SLC22A14: variants seen among roughly 807,000 people sequenced by gnomAD.
SLC22A14 encodes organic cation transporter-like 4.
A neutral mutation model predicts 53.9 loss-of-function variants in SLC22A14; 50 were observed. The observed-to-expected ratio is 0.93, with a 90% CI of 0.74 to 1.17. The LOEUF is 1.17. Ranked by LOEUF, SLC22A14 falls within the 50% of genes most tolerant of loss-of-function variation. The pLI is 0.00. For synonymous variants in SLC22A14, 312 were observed against 303.0 expected (o/e 1.03, Z -0.31); for missense variants, 671 against 734.7 (o/e 0.91, Z 1.00).
intron 1 of SLC22A14, among the ~76,000 whole-genome samples, chr3:38,302,841 G>C (rs73825518): frequency 0.064 from 9,763 of 151,924 alleles, 370 homozygotes; most frequent in East Asian, 0.16. Context: ...GAGTATATAT[G>C]TTTGCCTATT....
rs1704299102 is a variant in SLC22A14 at position 38,306,258 on chromosome 3, A to G, written c.232A>G (p.Ile78Val). Residue 78 changes from isoleucine (I) to valine (V), a missense_variant, in exon 2 of 11, where the codon ATC (isoleucine) becomes GTC (valine). Ile to Val is a conservative substitution (Grantham distance 29, BLOSUM62 3). Coordinates refer to ENST00000448498, the MANE Select transcript of SLC22A14 (RefSeq NM_001320033.2). Reference sequence around the variant, plus strand: ...AGTAGCCCTCACCTTTATCCCCAGCATCATGTCGGCCTTCTTCATGTTTGC... The same window carrying G: ...AGTAGCCCTCACCTTTATCCCCAGCGTCATGTCGGCCTTCTTCATGTTTGC... Reference protein sequence around the residue: ...RLVALTFIPSIMSAFFMFADH... With the variant: ...RLVALTFIPSVMSAFFMFADH... The G allele has an allele frequency of 1.2e-6, 2 of 1,614,170 alleles. No homozygotes were observed. Among genetic ancestry groups the G allele is most frequent in the Non-Finnish European group, 1.7e-6 (2 of 1,180,026 alleles).
intron 1 of SLC22A14, among the ~76,000 whole-genome samples, chr3:38,299,871 A>G (rs1013636820): frequency 6.6e-6 from 1 of 152,180 alleles, no homozygotes; most frequent in Non-Finnish European, 1.5e-5. Flanking sequence ...CTAGTATTGC[A>G]CTGAGTGGCT....
At chr3:38,283,299 A>G (rs1559541167) in intron 1 of SLC22A14, among the ~76,000 whole-genome samples, 1 of 152,086 alleles carries the variant, frequency 6.6e-6, no homozygotes, top group Non-Finnish European at 1.5e-5. Flanking sequence ...GTAAGGAAAC[A>G]TATTTACGAG....
rs2125886483 is a variant in SLC22A14, at chr3:38,307,338, T to C, written c.601T>C (p.Phe201Leu). 2 of 1,613,758 alleles carry C rather than the reference T, an allele frequency of 1.2e-6. No homozygotes were observed. Among genetic ancestry groups the C allele is most frequent in the Non-Finnish European group, 1.7e-6 (2 of 1,179,600 alleles). ...MAGLPIGSLI[F>L]RLITDKMGRY... ...AGGGCTCCCGATAGGCTCTCTCATC[T>C]TCAGGCTCATAACTGACAAGTGAGT... Residue 201 changes from phenylalanine to leucine, a missense_variant, in exon 3 of 11, where the codon TTC becomes CTC. Coordinates refer to ENST00000448498, the MANE Select transcript of SLC22A14 (RefSeq NM_001320033.2). This position sits in a 1 kb window ranked among gnomAD's most constrained non-coding sequence, Gnocchi z 4.4.
chr3:38,297,600 C>T (rs185489038), intron 1 of SLC22A14, among the ~76,000 whole-genome samples: 9 of 152,232 alleles, frequency 5.9e-5, no homozygotes, highest in African/African-American at 2.2e-4. Flanking sequence ...AGCTATTCTT[C>T]CTGATGCTCT....
chr3:38,289,757 G>C (rs1162763344), intron 1 of SLC22A14, among the ~76,000 whole-genome samples: 1 of 152,244 alleles, frequency 6.6e-6, no homozygotes, highest in Admixed American at 6.5e-5. Flanking sequence ...CGGAGGGGTG[G>C]AAGTCAGCGG....
At chr3:38,313,695 T>TGCGCGC in intron 7 of SLC22A14, 32 bp from the exon 8 acceptor site, 2 of 1,339,468 alleles carry the variant, frequency 1.5e-6, no homozygotes, top group Non-Finnish European at 2.1e-6. Context: ...TGCGCGCGTG[T>TGCGCGC]GCACGCGCAC....
At chr3:38,279,175 T>A (rs147623815), upstream of SLC22A14, among the ~76,000 whole-genome samples, 14 of 152,332 alleles carry the variant, frequency 9.2e-5, no homozygotes, top group African/African-American at 3.4e-4. Context: ...TCACTCACGA[T>A]TCTCAGCTTT....
intron 1 of SLC22A14, among the ~76,000 whole-genome samples, chr3:38,291,312 G>A (rs1703909298): frequency 6.6e-6 from 1 of 152,210 alleles, no homozygotes; most frequent in Admixed American, 6.5e-5. Flanking sequence ...GCGTAGGTTT[G>A]AGCAATCACC....
chr3:38,291,230 A>G (rs577182986), intron 1 of SLC22A14, among the ~76,000 whole-genome samples: 5 of 152,286 alleles, frequency 3.3e-5, no homozygotes, highest in African/African-American at 1.2e-4. Flanking sequence ...TTTTTCTACA[A>G]AGGAACTTCC....
chr3:38,301,397 A>G (rs1374040797), intron 1 of SLC22A14, among the ~76,000 whole-genome samples: 2 of 152,220 alleles, frequency 1.3e-5, no homozygotes, highest in Admixed American at 1.3e-4. Flanking sequence ...ATGTCACAGT[A>G]TTGCTGTAAT....
intron 1 of SLC22A14, among the ~76,000 whole-genome samples, chr3:38,293,324 C>T (rs1289600194): frequency 6.6e-6 from 1 of 152,184 alleles, no homozygotes. Flanking sequence ...TCCAGAGCCT[C>T]CAAAGTTCGC....
intron 10 of SLC22A14, among the ~76,000 whole-genome samples, chr3:38,317,127 T>C (rs185572866): frequency 3.0e-4 from 46 of 152,322 alleles, no homozygotes; most frequent in African/African-American, 1.1e-3. Flanking sequence ...ATGAACACGC[T>C]CTCCCTGGAC....
chr3:38,318,347 G>A lies in SLC22A14; in HGVS notation c.*98G>A, dbSNP rs1704678065. 2 of 1,204,130 alleles carry A rather than the reference G, an allele frequency of 1.7e-6. No individual in the cohort carries two copies. Among genetic ancestry groups the A allele is most frequent in the Non-Finnish European group, 2.5e-6 (2 of 809,074 alleles). The allele number at this position is 1,204,130 out of a possible 1,614,324, so 74.6% of individuals were successfully genotyped here. A position where few individuals can be genotyped will look rare whatever the true frequency, so the allele number is the denominator to read the frequency against. On this transcript the variant is annotated 3_prime_UTR_variant, in exon 11 of 11. Coordinates refer to ENST00000448498, the MANE Select transcript of SLC22A14 (RefSeq NM_001320033.2). ...CTTGAAGCAATTCAATAAAGAGGAA[G>A]CAAACAGCCAGGCTCCCTGAGGGCC...
At position 38,316,482 on chromosome 3, in the gene SLC22A14, A is replaced by T. The variant is rs1163485854; in HGVS notation, c.1691A>T (p.Asp564Val). 5 of 1,613,782 alleles carry T rather than the reference A, an allele frequency of 3.1e-6. No individual in the cohort carries two copies. The highest frequency in any genetic ancestry group is 1.1e-5 in the South Asian group (1 of 91,064). Residue 564 changes from aspartate (D) to valine (V), a missense_variant, in exon 10 of 11, where the codon GAT becomes GTT. By Grantham distance (152) the Asp-to-Val change is radical. Coordinates refer to ENST00000448498, the MANE Select transcript of SLC22A14 (RefSeq NM_001320033.2). ...SLSSLLPETR[D>V]QPLSESLNHS... ...TCCTCCCTGCTGCCGGAAACGCGAG[A>T]TCAGCCCCTCTCCGAGAGCCTGAAC... is the stretch of plus-strand genomic sequence containing the variant.
chr3:38,284,658 CGAA>C (rs1703749849), intron 1 of SLC22A14, among the ~76,000 whole-genome samples: 1 of 151,972 alleles, frequency 6.6e-6, no homozygotes, highest in African/African-American at 2.4e-5. Context: ...TCCCGTGAGA[CGAA>C]GGACCAGAGC....
At chr3:38,304,790 T>C (rs1704258868) in intron 1 of SLC22A14, among the ~76,000 whole-genome samples, 1 of 152,238 alleles carries the variant, frequency 6.6e-6, no homozygotes, top group African/African-American at 2.4e-5. Flanking sequence ...TTTTTATTTA[T>C]CGTGCCTAAG....
In SLC22A14 at chr3:38,306,397, C is replaced by G; in HGVS notation, c.371C>G (p.Pro124Arg). The G allele has an allele frequency of 6.2e-7, 1 of 1,614,210 alleles. No individual in the cohort carries two copies. The highest frequency in any genetic ancestry group is 8.5e-7 in the Non-Finnish European group (1 of 1,180,046). The change falls in exon 2 of 11, where the codon CCC becomes CGC. Residue 124 changes from proline to arginine, a missense_variant. Coordinates refer to ENST00000448498, the MANE Select transcript of SLC22A14 (RefSeq NM_001320033.2). Reference sequence around the variant, plus strand: ...CTGAATCTGACCATACCCCAAGCACCCAATGGCAGTTTCCTGACATGCTTC... The same window carrying G: ...CTGAATCTGACCATACCCCAAGCACGCAATGGCAGTTTCCTGACATGCTTC... ...EQLNLTIPQA[P>R]NGSFLTCFMY...
chr3:38,294,693 T>G (rs761220318), intron 1 of SLC22A14, among the ~76,000 whole-genome samples: 3 of 152,138 alleles, frequency 2.0e-5, no homozygotes, highest in Non-Finnish European at 4.4e-5. Flanking sequence ...ATTGGATTAG[T>G]TATGCTCACC....
Sources: allele counts gnomAD v4.1 joint callset (sites outside exome capture counted in the v4.1 genomes callset), GRCh38; gene constraint gnomAD v4.1.1; non-coding constraint Gnocchi (gnomAD v3.1); transcripts MANE v1.5; gene names NCBI Gene and HGNC (gene_info 2026-07-23, HGNC 2026-07-21).